The following PIK3C2G variants were observed in gnomAD, a reference collection of about 807,000 sequenced individuals.
The protein encoded by PIK3C2G is phosphatidylinositol-4-phosphate 3-kinase catalytic subunit type 2 gamma.
A neutral mutation model predicts 181.1 loss-of-function variants in PIK3C2G; 168 were observed. The ratio of observed to expected loss-of-function variants is 0.93; its 90% CI spans 0.82 to 1.05. PIK3C2G has a LOEUF of 1.05. Among genes scored for constraint, PIK3C2G ranks in the 50% least tolerant of loss-of-function variants. The probability of loss-of-function intolerance (pLI) is 0.00; values close to 1 mark genes in which losing one functional copy is unlikely to be tolerated. For missense variants in PIK3C2G, 1,869 were observed against 1,732.8 expected (o/e 1.08, Z -1.40); for synonymous variants, 573 against 592.2 (o/e 0.97, Z 0.47).
intron 18 of PIK3C2G, among the ~76,000 whole-genome samples, chr12:18,467,486 G>T (rs975682612): frequency 4.1e-5 from 6 of 146,086 alleles, no homozygotes; most frequent in Non-Finnish European, 7.6e-5. Context: ...TTATTTACAG[G>T]TTTTTTTTTT....
chr12:18,444,794 A>C (rs903367721), intron 18 of PIK3C2G, among the ~76,000 whole-genome samples: 1 of 152,162 alleles, frequency 6.6e-6, no homozygotes, highest in Non-Finnish European at 1.5e-5. Flanking sequence ...GCCAAACCCA[A>C]AGAATCCATT....
chr12:18,303,098 T>TTCTC (rs375777212), intron 5 of PIK3C2G, among the ~76,000 whole-genome samples: 3 of 88,650 alleles, frequency 3.4e-5, no homozygotes, highest in African/African-American at 1.4e-4. Context: ...TTTCTTTTCT[T>TTCTC]TCTCTTTCTT....
At chr12:18,371,135 C>T in intron 12 of PIK3C2G, 45 bp from the exon 13 acceptor site, 1 of 1,460,924 alleles carries the variant, frequency 6.8e-7, no homozygotes, top group Non-Finnish European at 9.3e-7. Flanking sequence ...ATTAAAATAT[C>T]AGTACAATTG....
chr12:18,249,108 G>A (rs1948070906), intron 1 of PIK3C2G, among the ~76,000 whole-genome samples: 1 of 151,968 alleles, frequency 6.6e-6, no homozygotes, highest in African/African-American at 2.4e-5. Flanking sequence ...GCTCTTTTTG[G>A]ACTGTACGCT....
At chr12:18,253,398 T>C (rs1391777162) in intron 1 of PIK3C2G, among the ~76,000 whole-genome samples, 2 of 152,202 alleles carry the variant, frequency 1.3e-5, no homozygotes, top group Non-Finnish European at 2.9e-5. Flanking sequence ...TGGTGCTTAT[T>C]ATAATCAAGA....
chr12:18,482,557 C>T (rs1939665395), intron 18 of PIK3C2G, among the ~76,000 whole-genome samples: 1 of 152,116 alleles, frequency 6.6e-6, no homozygotes, highest in South Asian at 2.1e-4. Context: ...GAGTAACATC[C>T]ACCCTACAAA....
chr12:18,631,352 T>C (rs556917849), intron 31 of PIK3C2G, among the ~76,000 whole-genome samples: 143 of 152,348 alleles, frequency 9.4e-4, no homozygotes, highest in Non-Finnish European at 1.4e-3. Flanking sequence ...TCTATCATTC[T>C]AAAAACTTCA....
At chr12:18,598,913 G>A (rs1169365939) in intron 30 of PIK3C2G, among the ~76,000 whole-genome samples, 2 of 151,684 alleles carry the variant, frequency 1.3e-5, no homozygotes, top group East Asian at 3.9e-4. Context: ...ACCATCACTG[G>A]CCATCAGAGA....
At chr12:18,645,654 G>A (rs904948115) in intron 32 of PIK3C2G, among the ~76,000 whole-genome samples, 2 of 152,028 alleles carry the variant, frequency 1.3e-5, no homozygotes, top group Admixed American at 6.6e-5. Context: ...TAATTTACTG[G>A]TGTCTAATAT....
Position 18,609,611 on chromosome 12 carries a change from G to A in PIK3C2G, c.4164G>A (p.Val1388=). The change falls in exon 31 of 33, where the codon GTG becomes GTA. Residue 1388 remains valine, a synonymous_variant. Coordinates refer to ENST00000538779, the MANE Select transcript of PIK3C2G (RefSeq NM_001288772.2). ...SYEDVKLTIL[V]KHMKNIHLPD... ...AGGATGTGAAGCTGACCATACTAGT[G>A]AAACACATGAAAAACATTGTAAGTT... 6.4e-7 allele frequency: 1 copy of A among 1,563,950 alleles called. No homozygotes were observed. Among genetic ancestry groups the A allele is most frequent in the Non-Finnish European group, 8.7e-7 (1 of 1,147,822 alleles).
the PIK3C2G span, among the ~76,000 whole-genome samples, chr12:18,688,553 C>CATAT: frequency 6.6e-3 from 967 of 146,938 alleles, 4 homozygotes; most frequent in African/African-American, 0.013. Flanking sequence ...TTTTTGAATT[C>CATAT]ATATATATAT....
intron 2 of PIK3C2G, 73 bp from the exon 3 acceptor site, chr12:18,286,774 A>C: frequency 1.2e-6 from 1 of 840,424 alleles, no homozygotes; most frequent in Non-Finnish European, 1.8e-6. Flanking sequence ...ACTTCAAAAC[A>C]GGATAAAATT....
At chr12:18,609,223 A>C (rs1485763374) in intron 30 of PIK3C2G, among the ~76,000 whole-genome samples, 3 of 152,102 alleles carry the variant, frequency 2.0e-5, no homozygotes, top group Non-Finnish European at 4.4e-5. Flanking sequence ...TAAGCTCATT[A>C]TAGTGAATGC....
the PIK3C2G span, among the ~76,000 whole-genome samples, chr12:18,658,884 G>A: frequency 6.6e-6 from 1 of 152,130 alleles, no homozygotes; most frequent in South Asian, 2.1e-4. Flanking sequence ...TTTGCATTAT[G>A]AAACCTGTAA....
chr12:18,439,667 T>C (rs967921826), intron 18 of PIK3C2G, among the ~76,000 whole-genome samples: 24 of 152,016 alleles, frequency 1.6e-4, no homozygotes, highest in African/African-American at 5.8e-4. Flanking sequence ...ATACCCTTTC[T>C]TTATCTCCAC....
intron 26 of PIK3C2G, among the ~76,000 whole-genome samples, chr12:18,548,032 A>G (rs746081411): frequency 3.4e-4 from 51 of 151,984 alleles, no homozygotes; most frequent in Admixed American, 4.6e-4. Flanking sequence ...GGACCACATC[A>G]GCAGGAACTT....
chr12:18,632,749 T>C (rs747847400), intron 31 of PIK3C2G, among the ~76,000 whole-genome samples: 1 of 152,072 alleles, frequency 6.6e-6, no homozygotes, highest in Non-Finnish European at 1.5e-5. Context: ...GAAGAATAAA[T>C]TATCTTTTTC....
At chr12:18,420,837 A>G (rs1252903520) in intron 16 of PIK3C2G, 104 bp from the exon 17 acceptor site, 2 of 656,736 alleles carry the variant, frequency 3.0e-6, no homozygotes, top group Non-Finnish European at 5.6e-6. Flanking sequence ...TAATTGTTTT[A>G]CCTTATGCAC....
intron 18 of PIK3C2G, among the ~76,000 whole-genome samples, chr12:18,465,976 A>G (rs1352000389): frequency 6.6e-6 from 1 of 150,830 alleles, no homozygotes; most frequent in African/African-American, 2.4e-5. Flanking sequence ...ATCTTCCTAC[A>G]CTAGATTCTA....
Sources: gnomAD v4.1 joint callset for allele counts (sites outside exome capture counted in the v4.1 genomes callset) on GRCh38, gnomAD v4.1.1 for gene constraint, MANE v1.5 for transcripts, NCBI Gene and HGNC (gene_info 2026-07-23, HGNC 2026-07-21) for gene names.